Variants in SPECC1 observed in about 807,000 individuals in gnomAD.
SPECC1 encodes the protein sperm antigen with calponin homology and coiled-coil domains 1, also known as cytospin-B.
Under a neutral mutation model 104.1 loss-of-function variants are expected in SPECC1, and 62 were observed. The observed-to-expected ratio is 0.60, with a 90% CI of 0.49 to 0.74. The LOEUF (loss-of-function observed/expected upper bound fraction) is 0.74, where lower values mean the gene tolerates loss of function less well. SPECC1 is among the 30% of genes least tolerant of loss of function. The pLI, the probability that SPECC1 is intolerant of heterozygous loss-of-function variation, is 0.00. For missense variants in SPECC1, 1,306 were observed against 1,310.5 expected, an observed-to-expected ratio of 1.00 and a Z score of 0.05; for synonymous variants, 513 against 501.6, an observed-to-expected ratio of 1.02 and a Z score of -0.30.
Position 20,315,235 on chromosome 17 carries a change from CTT to C in SPECC1, c.*1172_*1173del. ...TGGCCTTTAGTGCTTCCCCAGGCCT[CTT>C]TCATCGGCATGGGAAAAGCCCTTAG... On this transcript the variant is annotated 3_prime_UTR_variant, in exon 15 of 15. Transcript: ENST00000395527. 1 of 232,732 alleles carries C rather than the reference CTT, an allele frequency of 4.3e-6. No individual in the cohort carries two copies. Among genetic ancestry groups the C allele is most frequent in the Non-Finnish European group, 8.5e-6 (1 of 117,706 alleles). 14.4% of individuals were successfully genotyped at this position (232,732 alleles called of 1,614,324 possible).
At chr17:20,172,341 T>C (rs148662669) in intron 3 of SPECC1, among the ~76,000 whole-genome samples, 2,039 of 152,338 alleles carry the variant, frequency 0.013, 13 homozygotes, top group Admixed American at 0.029. Flanking sequence ...CACCTGATTG[T>C]GGATCAGTTT....
chr17:20,053,739 G>T (rs1413368174), intron 1 of SPECC1, among the ~76,000 whole-genome samples: 1 of 152,210 alleles, frequency 6.6e-6, no homozygotes, highest in Non-Finnish European at 1.5e-5. Context: ...TCCGGCCCCA[G>T]TTGAGCCTTC....
chr17:20,304,542 A>G (rs1292745104), intron 13 of SPECC1, among the ~76,000 whole-genome samples: 1 of 152,164 alleles, frequency 6.6e-6, no homozygotes, highest in Non-Finnish European at 1.5e-5. Flanking sequence ...TACCATTAAC[A>G]TTCTAAGGGG....
chr17:20,163,750 G>A (rs545185594), intron 3 of SPECC1, among the ~76,000 whole-genome samples: 6 of 151,898 alleles, frequency 4.0e-5, no homozygotes, highest in East Asian at 1.9e-4. Flanking sequence ...TTATAGAGAC[G>A]GGGTCTTGCT....
At chr17:20,038,675 C>T (rs1030950369) in intron 1 of SPECC1, among the ~76,000 whole-genome samples, 1 of 152,184 alleles carries the variant, frequency 6.6e-6, no homozygotes, top group Admixed American at 6.5e-5. Flanking sequence ...GCTGGGATCA[C>T]AGGCGTGAGC....
At chr17:20,190,467 T>C (rs1443370726) in intron 3 of SPECC1, among the ~76,000 whole-genome samples, 7 of 152,222 alleles carry the variant, frequency 4.6e-5, no homozygotes, top group Non-Finnish European at 8.8e-5. Flanking sequence ...ATTATGCTTT[T>C]ACTGCCTTCT....
At chr17:20,073,074 T>C (rs1406607067) in intron 1 of SPECC1, among the ~76,000 whole-genome samples, 2 of 152,104 alleles carry the variant, frequency 1.3e-5, no homozygotes, top group African/African-American at 4.8e-5. Context: ...AAAAGATTTA[T>C]TTAGAACGAA....
chr17:20,208,364 A>G (rs1307326373), intron 4 of SPECC1, among the ~76,000 whole-genome samples: 1 of 152,218 alleles, frequency 6.6e-6, no homozygotes, highest in African/African-American at 2.4e-5. Flanking sequence ...ATTGCAGTGG[A>G]CTTGTAACAT....
In SPECC1 at chr17:20,053,023, C is replaced by G. The variant is rs534242199; in HGVS notation, c.-22+43599C>G. Among the ~76,000 whole-genome samples the G allele has an allele frequency of 1.1e-4, 17 of 152,312 alleles. No homozygotes were observed. In the South Asian group the frequency reaches 3.1e-3, roughly 28 times the overall value. ...AAGTGTCCCTCTCTTGGCCCCAAGTCAATGGGTAAGGGATTCTGCCAAGAC... is the reference window on the plus strand; with the variant it reads ...AAGTGTCCCTCTCTTGGCCCCAAGTGAATGGGTAAGGGATTCTGCCAAGAC... On this transcript the variant is annotated intron_variant, in intron 1 of 14. Transcript: ENST00000395527.
At chr17:20,082,967 T>TTCGTTCGTTCGC (rs1314829558) in intron 1 of SPECC1, among the ~76,000 whole-genome samples, 1 of 72,104 alleles carries the variant, frequency 1.4e-5, no homozygotes, top group African/African-American at 4.7e-5. Flanking sequence ...TGTTCGTTCG[T>TTCGTTCGTTCGC]TCGTTCGTTC....
intron 13 of SPECC1, among the ~76,000 whole-genome samples, chr17:20,299,973 G>A (rs2041514227): frequency 6.6e-6 from 1 of 152,176 alleles, no homozygotes; most frequent in Non-Finnish European, 1.5e-5. Flanking sequence ...CTGCCCACAG[G>A]GCAACCACCA....
intron 3 of SPECC1, among the ~76,000 whole-genome samples, chr17:20,118,601 G>T (rs963233582): frequency 2.6e-5 from 4 of 152,096 alleles, no homozygotes; most frequent in Non-Finnish European, 4.4e-5. Context: ...GGTTTTAGAA[G>T]TATATATTAA....
rs2041378197 is a variant in SPECC1, at chr17:20,297,067, G to A, written c.3047G>A (p.Ser1016Asn). ...CACATCCCCTACCAGGAGCTGAATAGTCAGGAGAAAGTAAGTCATGGCCCT... is the reference window on the plus strand; with the variant it reads ...CACATCCCCTACCAGGAGCTGAATAATCAGGAGAAAGTAAGTCATGGCCCT... ...PAHIPYQELN[S>N]QEKKRNLLLA... The change falls in exon 13 of 15, where the codon AGT becomes AAT. Residue 1016 changes from serine (S) to asparagine (N), a missense_variant. Around this residue, in one of 2 missense-constraint regions of SPECC1, gnomAD observed 129 missense variants for 170.6 expected, o/e 0.76. Coordinates refer to ENST00000395527, the MANE Select transcript of SPECC1 (RefSeq NM_001243439.2). 6.2e-7 allele frequency: 1 copy of A among 1,614,000 alleles called. No individual in the cohort carries two copies. Among genetic ancestry groups the A allele is most frequent in the Non-Finnish European group, 8.5e-7 (1 of 1,179,924 alleles).
At chr17:20,175,763 G>A (rs900204801) in intron 3 of SPECC1, among the ~76,000 whole-genome samples, 2 of 152,208 alleles carry the variant, frequency 1.3e-5, no homozygotes, top group Non-Finnish European at 2.9e-5. Flanking sequence ...TGGGACTTCT[G>A]TAGCTCAGGT....
At chr17:20,016,039 C>A (rs537337385) in intron 1 of SPECC1, among the ~76,000 whole-genome samples, 3 of 149,726 alleles carry the variant, frequency 2.0e-5, no homozygotes, top group Non-Finnish European at 4.5e-5. Context: ...TGAAACTCCG[C>A]TTCTACTAAA....
intron 7 of SPECC1, among the ~76,000 whole-genome samples, chr17:20,242,488 G>A (rs2039245846): frequency 6.6e-6 from 1 of 152,172 alleles, no homozygotes; most frequent in Non-Finnish European, 1.5e-5. Context: ...GGTCTGGCCT[G>A]CAACTGTTGT....
At chr17:20,217,381 A>G (rs2037565638) in intron 4 of SPECC1, among the ~76,000 whole-genome samples, 1 of 152,020 alleles carries the variant, frequency 6.6e-6, no homozygotes, top group Non-Finnish European at 1.5e-5. Context: ...CATGTGAAAC[A>G]ACTGCTGATT....
In SPECC1 at chr17:20,314,674, G is replaced by T; in HGVS notation, c.*609G>T. On this transcript the variant is annotated 3_prime_UTR_variant, in exon 15 of 15. Coordinates refer to ENST00000395527, the MANE Select transcript of SPECC1 (RefSeq NM_001243439.2). The stretch of plus-strand genomic sequence containing the variant: ...ATAAAACCCAAAACTTTGCCCTTGT[G>T]AACCCTCCCTTCCCCCCTCCCCCCC... 1 of 210,890 alleles carries T rather than the reference G, an allele frequency of 4.7e-6. No homozygotes were observed. The highest frequency in any genetic ancestry group is 9.0e-6 in the Non-Finnish European group (1 of 111,458). 13.1% of individuals were successfully genotyped at this position (210,890 alleles called of 1,614,324 possible).
chr17:20,017,646 A>C (rs995754440), intron 1 of SPECC1: 1 of 152,172 alleles, frequency 6.6e-6, no homozygotes, highest in Non-Finnish European at 1.5e-5. Context: ...TACCTTCCAA[A>C]GTTTCTTCAT....
Sources: allele counts gnomAD v4.1 joint callset (sites outside exome capture counted in the v4.1 genomes callset), GRCh38; gene constraint gnomAD v4.1.1; regional missense constraint gnomAD v4.1.1; transcripts MANE v1.5; gene names NCBI Gene and HGNC (gene_info 2026-07-23, HGNC 2026-07-21).